CHD8: variants seen among roughly 807,000 people sequenced by gnomAD.
CHD8 encodes the protein ATP-dependent chromatin remodeler CHD8.
CHD8 carries 31 observed loss-of-function variants against 279.2 expected under a neutral mutation model. That is an observed-to-expected ratio of 0.11 (90% CI 0.08 to 0.15). CHD8 has a LOEUF of 0.15. Ranked by LOEUF, CHD8 falls within the 10% of genes least tolerant of loss-of-function variation. The pLI is 1.00. For missense variants in CHD8, 2,146 were observed against 3,230.5 expected, an observed-to-expected ratio of 0.66 and a Z score of 8.14; for synonymous variants, 1,081 against 1,139.6, an observed-to-expected ratio of 0.95 and a Z score of 1.04.
intron 2 of CHD8, 194 bp from the exon 3 acceptor site, chr14:21,429,529 T>G: frequency 1.4e-6 from 1 of 734,152 alleles, no homozygotes; most frequent in Non-Finnish European, 2.5e-6. Flanking sequence ...CTCGCTGTAT[T>G]GCCCAGGCTA....
At chr14:21,436,848 A>C (rs1247604561) in intron 1 of CHD8, 1 of 607,810 alleles carries the variant, frequency 1.6e-6, no homozygotes, top group Admixed American at 2.9e-5. Flanking sequence ...TGAGGGGTTG[A>C]TGGAGAGGAA....
chr14:21,429,056 G>C lies in CHD8; in HGVS notation c.1123C>G (p.Leu375Val). The C allele has an allele frequency of 1.9e-6, 3 of 1,614,048 alleles. No homozygotes were observed. The highest frequency in any genetic ancestry group is 2.5e-6 in the Non-Finnish European group (3 of 1,179,890). ...QQPPSTQPVT[L>V]SSVQQAQIMG... ...ATCTGAGCCTGCTGTACAGAGGACA[G>C]AGTCACTGGCTGGGTGGAGGGTGGC... is the stretch of plus-strand genomic sequence containing the variant. Residue 375 changes from leucine to valine, a missense_variant, in exon 3 of 38, where the codon CTG becomes GTG. Leu to Val is a conservative substitution (Grantham distance 32). Coordinates refer to ENST00000646647, the MANE Select transcript of CHD8 (RefSeq NM_001170629.2).
At chr14:21,445,337 C>T (rs1385630339) in intron 1 of CHD8, among the ~76,000 whole-genome samples, 1 of 151,884 alleles carries the variant, frequency 6.6e-6, no homozygotes, top group Non-Finnish European at 1.5e-5. Flanking sequence ...TTTGGGAGGC[C>T]GAGGCGGGTG....
intron 2 of CHD8, chr14:21,429,562 C>A: frequency 3.0e-6 from 2 of 658,374 alleles, no homozygotes; most frequent in Non-Finnish European, 5.6e-6. Flanking sequence ...TATTCACAGG[C>A]ACAACACTAC....
intron 1 of CHD8, chr14:21,437,053 G>T: frequency 1.3e-6 from 1 of 782,364 alleles, no homozygotes; most frequent in Non-Finnish European, 1.9e-6. Context: ...GGCCAAGACG[G>T]GAAGATGCGG....
At chr14:21,415,278 T>G in intron 7 of CHD8, 1 of 394,602 alleles carries the variant, frequency 2.5e-6, no homozygotes. Context: ...CTTAGCAATA[T>G]ATCTGACATC....
intron 5 of CHD8, among the ~76,000 whole-genome samples, chr14:21,422,516 T>G (rs556985789): frequency 2.6e-5 from 4 of 152,240 alleles, no homozygotes; most frequent in African/African-American, 4.8e-5. Context: ...TTACTTTATT[T>G]GCACAACCCT....
chr14:21,401,886 TA>T, intron 20 of CHD8, 70 bp downstream of exon 20: 1 of 1,424,202 alleles, frequency 7.0e-7, no homozygotes, highest in Non-Finnish European at 9.7e-7. Flanking sequence ...ATCCCCAGCA[TA>T]AAAACATAAT....
At chr14:21,442,666 G>A (rs1432685318) in intron 1 of CHD8, among the ~76,000 whole-genome samples, 2 of 110,760 alleles carry the variant, frequency 1.8e-5, no homozygotes, top group Admixed American at 8.8e-5. Context: ...GAGGAGAGGA[G>A]AGGGGAGGAG....
At chr14:21,451,370 G>A (rs1890250955) in intron 1 of CHD8, among the ~76,000 whole-genome samples, 1 of 151,878 alleles carries the variant, frequency 6.6e-6, no homozygotes, top group South Asian at 2.1e-4. Flanking sequence ...AGGAGTTTGA[G>A]ACCAGCCTGG....
chr14:21,432,579 T>A (rs768410192), intron 1 of CHD8, among the ~76,000 whole-genome samples: 4 of 152,200 alleles, frequency 2.6e-5, no homozygotes, highest in Non-Finnish European at 5.9e-5. Context: ...TACATTCCAG[T>A]CCAACTAGAC....
At chr14:21,437,342 C>A in intron 1 of CHD8, 6 of 909,592 alleles carry the variant, frequency 6.6e-6, no homozygotes, top group Non-Finnish European at 8.4e-6. Flanking sequence ...GGCGAAAAGA[C>A]GCAAAACAGC....
At chr14:21,435,577 T>C (rs1369618008) in intron 1 of CHD8, among the ~76,000 whole-genome samples, 4 of 152,216 alleles carry the variant, frequency 2.6e-5, no homozygotes, top group Non-Finnish European at 5.9e-5. Flanking sequence ...TTCTACCCTA[T>C]ATTTTTCCAT....
Position 21,405,203 on chromosome 14 carries a change from C to G in CHD8, c.3307+6G>C. ...AAGTTCAGGTATATACCAAGCATTC[C>G]CTCACCATTGATGAGATATGGGTGG... On this transcript the variant is annotated splice_donor_region_variant and intron_variant, in intron 16 of 37. Transcript: ENST00000646647. This position sits in a 1 kb window ranked among gnomAD's most constrained non-coding sequence, Gnocchi z 4.2. The G allele has an allele frequency of 6.2e-7, 1 of 1,613,238 alleles. No homozygotes were observed. Among genetic ancestry groups the G allele is most frequent in the Non-Finnish European group, 8.5e-7 (1 of 1,179,404 alleles).
intron 37 of CHD8, among the ~76,000 whole-genome samples, chr14:21,387,057 AACTT>A (rs1887281797): frequency 1.3e-5 from 2 of 152,248 alleles, no homozygotes; most frequent in African/African-American, 4.8e-5. Flanking sequence ...ATTGATAAAA[AACTT>A]ACATATCTGA....
At chr14:21,452,334 A>G (rs573466366) in intron 1 of CHD8, among the ~76,000 whole-genome samples, 9 of 152,158 alleles carry the variant, frequency 5.9e-5, no homozygotes, top group African/African-American at 2.2e-4. Flanking sequence ...TAAATGTTAA[A>G]TAAACTTTAG....
At position 21,385,744 on chromosome 14, in the gene CHD8, C is replaced by A; in HGVS notation, c.7615G>T (p.Asp2539Tyr). ...TCATCTTCTTCATCCTCATCGTCAT[C>A]CTCCTCAGGTTGCAGTGGTGGCAAC... is the stretch of plus-strand genomic sequence containing the variant. ...LRLPPLQPEE[D>Y]DDEDEEDDDD... Residue 2539 changes from aspartate to tyrosine, a missense_variant, in exon 38 of 38, where the codon GAT becomes TAT. Asp to Tyr is a radical substitution (Grantham distance 160). Coordinates refer to ENST00000646647, the MANE Select transcript of CHD8 (RefSeq NM_001170629.2). 1.9e-6 allele frequency: 3 copies of A among 1,551,486 alleles called. No individual in the cohort carries two copies. In the African/African-American group the frequency reaches 4.1e-5, roughly 21 times the overall value.
rs1391653843 is a variant in CHD8, at chr14:21,394,386, G to A, written c.5490C>T (p.Arg1830=). ...DTMQFHWDRF[R]TFARLDKKTD... ...TCTTTTTGTCTAGTCGAGCAAAAGT[G>A]CGGAAGCGATCCCAATGGAACTGCA... The change falls in exon 31 of 38, where the codon CGC becomes CGT. Residue 1830 remains arginine (R), a synonymous_variant. Transcript: ENST00000646647. 6.2e-7 allele frequency: 1 copy of A among 1,613,968 alleles called. No individual in the cohort carries two copies. The highest frequency in any genetic ancestry group is 1.1e-5 in the South Asian group (1 of 91,084).
Position 21,400,853 on chromosome 14 carries a change from T to C in CHD8, c.4370+22A>G, listed in dbSNP as rs747152481. On this transcript the variant is annotated intron_variant, in intron 22 of 37. Transcript: ENST00000646647. This position sits in a 1 kb window ranked among gnomAD's most constrained non-coding sequence, Gnocchi z 4.2. ...ATGGAGATGCACTATGCACTACCTCTAATGGTAAGTTGGGGTCTTACCCAT... is the reference window on the plus strand; with the variant it reads ...ATGGAGATGCACTATGCACTACCTCCAATGGTAAGTTGGGGTCTTACCCAT... 2 of 1,585,268 alleles carry C rather than the reference T, an allele frequency of 1.3e-6. No homozygotes were observed. The highest frequency in any genetic ancestry group is 2.7e-5 in the African/African-American group (2 of 73,988).
Sources: allele counts gnomAD v4.1 joint callset (sites outside exome capture counted in the v4.1 genomes callset), GRCh38; gene constraint gnomAD v4.1.1; non-coding constraint Gnocchi (gnomAD v3.1); transcripts MANE v1.5; gene names NCBI Gene and HGNC (gene_info 2026-07-23, HGNC 2026-07-21).